ZFYVE9: variants seen among roughly 807,000 people sequenced by gnomAD.
ZFYVE9 encodes the protein zinc finger FYVE domain-containing protein 9.
In ZFYVE9, 43 loss-of-function variants were observed where a neutral mutation model predicts 126.7. That is an observed-to-expected ratio of 0.34 (90% CI 0.27 to 0.44). The LOEUF is 0.44. Among genes scored for constraint, ZFYVE9 ranks in the 20% least tolerant of loss-of-function variants. The pLI is 1.00. For synonymous variants in ZFYVE9, 521 were observed against 597.4 expected (o/e 0.87, Z 1.87); for missense variants, 1,476 against 1,697.0 (o/e 0.87, Z 2.29).
chr1:52,248,331 G>A, intron 4 of ZFYVE9, among the ~76,000 whole-genome samples: 1 of 152,134 alleles, frequency 6.6e-6, no homozygotes, highest in East Asian at 1.9e-4. Context: ...ATCTGGCAAG[G>A]AAAAAGAGAA....
At chr1:52,340,270 G>A in intron 17 of ZFYVE9, 39 bp downstream of exon 17, 1 of 1,542,240 alleles carries the variant, frequency 6.5e-7, no homozygotes, top group South Asian at 1.1e-5. Context: ...CCCACTTTGA[G>A]CACAACTTTT....
chr1:52,239,856 G>A (rs1645316121), intron 4 of ZFYVE9, among the ~76,000 whole-genome samples: 2 of 152,154 alleles, frequency 1.3e-5, no homozygotes, highest in Non-Finnish European at 2.9e-5. Context: ...TGTAAACTTT[G>A]TGGTTTCTGT....
rs1020005018 is a variant in ZFYVE9, at chr1:52,244,323, A to G, written c.2178+4728A>G. Among the ~76,000 whole-genome samples, 9 of 152,208 alleles carry G rather than the reference A, an allele frequency of 5.9e-5. No homozygotes were observed. The East Asian group carries it at 1.7e-3, about 29-fold the overall frequency. ...AGTGGTATGGGTGATTCTCTAGAAA[A>G]GAAGTTTTAGGAGAAAGGGAGGATT... On this transcript the variant is annotated intron_variant, in intron 4 of 18. Coordinates refer to ENST00000287727, the MANE Select transcript of ZFYVE9 (RefSeq NM_004799.4).
rs1645096736 is a variant in ZFYVE9, at chr1:52,218,836, C to G, written c.-37+2362C>G. 3.9e-5 allele frequency among the ~76,000 whole-genome samples: 6 copies of G among 152,132 alleles called. No homozygotes were observed. In the South Asian group the frequency reaches 1.2e-3, roughly 32 times the overall value. ...ATGGGGGGAGATGGAGGAGGAGGAG[C>G]AAACCTCATTTCAAAGATGCCTGTA... On this transcript the variant is annotated intron_variant, in intron 2 of 18. Coordinates refer to ENST00000287727, the MANE Select transcript of ZFYVE9 (RefSeq NM_004799.4).
At chr1:52,158,787 C>G (rs1199695989) in intron 1 of ZFYVE9, among the ~76,000 whole-genome samples, 2 of 151,638 alleles carry the variant, frequency 1.3e-5, no homozygotes, top group Non-Finnish European at 2.9e-5. Flanking sequence ...AACAGCTAGC[C>G]AACTTTATTG....
intron 10 of ZFYVE9, among the ~76,000 whole-genome samples, chr1:52,282,566 C>G (rs998795480): frequency 6.6e-6 from 1 of 152,144 alleles, no homozygotes; most frequent in African/African-American, 2.4e-5. Flanking sequence ...GGTATTAAAA[C>G]TATTTTCATG....
chr1:52,269,814 G>C (rs1645671254), intron 7 of ZFYVE9, among the ~76,000 whole-genome samples: 1 of 151,344 alleles, frequency 6.6e-6, no homozygotes. Context: ...TTGAGACAAG[G>C]TCTCACTCTA....
At chr1:52,175,621 C>T (rs1281588227) in intron 1 of ZFYVE9, among the ~76,000 whole-genome samples, 2 of 151,932 alleles carry the variant, frequency 1.3e-5, no homozygotes, top group African/African-American at 4.8e-5. Flanking sequence ...GTTCCATTCT[C>T]CCCGTCACTT....
Position 52,214,669 on chromosome 1 carries a change from G to T in ZFYVE9, c.-142-1700G>T, listed in dbSNP as rs9786987. ...AAACAGAACCAATAGTATATGGAGG[G>T]GTGTGTGTGTGTGTGTTTAAATTTA... is the stretch of plus-strand genomic sequence containing the variant. On this transcript the variant is annotated intron_variant, in intron 1 of 18. Transcript: ENST00000287727. 9.2e-3 allele frequency among the ~76,000 whole-genome samples: 1,396 copies of T among 151,614 alleles called. 65 individuals are homozygous for T. The East Asian group carries it at 0.12, about 13-fold the overall frequency.
chr1:52,221,678 C>T (rs976479438), intron 2 of ZFYVE9, among the ~76,000 whole-genome samples: 26 of 152,210 alleles, frequency 1.7e-4, no homozygotes, highest in East Asian at 7.7e-4. Flanking sequence ...AGGAAGGCTA[C>T]GGGCCATTGG....
rs1414065878 is a variant in ZFYVE9 at position 52,273,836 on chromosome 1, AAAT to A, written c.2626-627_2626-625del. Among the ~76,000 whole-genome samples the A allele has an allele frequency of 3.3e-3, 499 of 151,954 alleles. 1 individual carries two copies. The highest frequency in any genetic ancestry group is 0.011 in the African/African-American group (463 of 41,452). On this transcript the variant is annotated intron_variant, in intron 7 of 18. Transcript: ENST00000287727. ...TCCTTCTCAAAAAAAAAAAAAAAAA[AAAT>A]GAACTTCAAGATTTATTTTATTACA...
intron 13 of ZFYVE9, among the ~76,000 whole-genome samples, chr1:52,314,412 T>G (rs1460936151): frequency 6.6e-6 from 1 of 152,218 alleles, no homozygotes; most frequent in African/African-American, 2.4e-5. Context: ...CTGGGCGCAG[T>G]GACTCACACC....
chr1:52,267,529 A>G (rs1157335272), intron 6 of ZFYVE9, among the ~76,000 whole-genome samples: 1 of 152,158 alleles, frequency 6.6e-6, no homozygotes, highest in Non-Finnish European at 1.5e-5. Flanking sequence ...AATTAAAATC[A>G]GTCTTCCTTC....
At chr1:52,314,692 C>T (rs1002591501) in intron 13 of ZFYVE9, among the ~76,000 whole-genome samples, 18 of 152,036 alleles carry the variant, frequency 1.2e-4, no homozygotes, top group Middle Eastern at 3.2e-3. Context: ...TGGTGGCGCG[C>T]GCCTCTAGTC....
intron 7 of ZFYVE9, among the ~76,000 whole-genome samples, chr1:52,269,965 A>G (rs1645673164): frequency 6.6e-6 from 1 of 152,082 alleles, no homozygotes; most frequent in African/African-American, 2.4e-5. Context: ...TTGGAAAAAA[A>G]TTCAACCTAC....
At chr1:52,246,135 C>G (rs1284183346) in intron 4 of ZFYVE9, among the ~76,000 whole-genome samples, 1 of 152,024 alleles carries the variant, frequency 6.6e-6, no homozygotes, top group African/African-American at 2.4e-5. Flanking sequence ...CACCGTGTTG[C>G]CTGGGCTAGT....
At chr1:52,179,636 A>G (rs1268237411) in intron 1 of ZFYVE9, among the ~76,000 whole-genome samples, 11 of 152,152 alleles carry the variant, frequency 7.2e-5, no homozygotes, top group African/African-American at 2.7e-4. Context: ...TGTGTCTCAA[A>G]AAAAAAAAAG....
intron 18 of ZFYVE9, chr1:52,345,837 G>C (rs546607294): frequency 2.5e-5 from 10 of 404,450 alleles, no homozygotes; most frequent in African/African-American, 4.0e-5. Context: ...GACCATAACA[G>C]GTTAAGTGGC....
chr1:52,264,043 T>C (rs186970), intron 5 of ZFYVE9, 171 bp downstream of exon 5: 99 of 399,898 alleles, frequency 2.5e-4, no homozygotes, highest in African/African-American at 1.9e-3. Flanking sequence ...TATCTTAGCA[T>C]TTCAGAATTC....
Sources: gnomAD v4.1 joint callset for allele counts (sites outside exome capture counted in the v4.1 genomes callset) on GRCh38, gnomAD v4.1.1 for gene constraint, MANE v1.5 for transcripts, NCBI Gene and HGNC (gene_info 2026-07-23, HGNC 2026-07-21) for gene names.